The following GADL1 variants were observed in gnomAD, a reference collection of about 807,000 sequenced individuals.
GADL1 encodes acidic amino acid decarboxylase GADL1.
Under a neutral mutation model 69.5 loss-of-function variants are expected in GADL1, and 71 were observed. The observed-to-expected ratio is 1.02, with a 90% confidence interval of 0.84 to 1.25. The LOEUF is 1.25. GADL1 is among the 50% of genes most tolerant of loss of function. GADL1 has a pLI of 0.00. For missense variants in GADL1, 737 were observed against 631.8 expected (o/e 1.17, Z -1.79); for synonymous variants, 254 against 214.4 (o/e 1.18, Z -1.62).
At chr3:30,761,913 A>G (rs1696143533) in intron 14 of GADL1, among the ~76,000 whole-genome samples, 2 of 152,182 alleles carry the variant, frequency 1.3e-5, no homozygotes, top group African/African-American at 4.8e-5. Context: ...GTTTATATGC[A>G]TGTGTATATG....
At chr3:30,771,590 TAAC>T (rs1186763089) in intron 14 of GADL1, among the ~76,000 whole-genome samples, 1 of 152,046 alleles carries the variant, frequency 6.6e-6, no homozygotes, top group African/African-American at 2.4e-5. Flanking sequence ...AAGCGAGTGA[TAAC>T]TACTAGGAAA....
intron 6 of GADL1, among the ~76,000 whole-genome samples, chr3:30,847,784 GTT>G (rs1698081615): frequency 6.6e-6 from 1 of 152,184 alleles, no homozygotes; most frequent in African/African-American, 2.4e-5. Flanking sequence ...TCTTTGGAAA[GTT>G]TTTAAAAACC....
At chr3:30,875,286 T>G (rs976784848) in intron 1 of GADL1, among the ~76,000 whole-genome samples, 2 of 151,652 alleles carry the variant, frequency 1.3e-5, no homozygotes, top group Admixed American at 1.3e-4. Flanking sequence ...GTAAGCATAC[T>G]AGGAAGAAAG....
chr3:30,831,601 C>T (rs987464306), intron 11 of GADL1, among the ~76,000 whole-genome samples: 14 of 151,938 alleles, frequency 9.2e-5, no homozygotes, highest in African/African-American at 3.4e-4. Context: ...TCATTCTGTG[C>T]ATATTAATTT....
intron 14 of GADL1, among the ~76,000 whole-genome samples, 168 bp downstream of exon 14, chr3:30,777,997 TTAATTTGTTAAATG>T (rs1277471406): frequency 1.3e-5 from 2 of 152,190 alleles, no homozygotes; most frequent in East Asian, 3.9e-4. Context: ...GTCAACCATG[TTAATTTGTTAAATG>T]TAAACAATGT....
At chr3:30,848,319 A>G (rs1698088624) in intron 6 of GADL1, among the ~76,000 whole-genome samples, 1 of 152,214 alleles carries the variant, frequency 6.6e-6, no homozygotes, top group Admixed American at 6.5e-5. Flanking sequence ...CTCAACTCCC[A>G]CTTTGCACTT....
At chr3:30,864,569 T>C (rs1698369230) in intron 1 of GADL1, among the ~76,000 whole-genome samples, 1 of 152,038 alleles carries the variant, frequency 6.6e-6, no homozygotes, top group African/African-American at 2.4e-5. Flanking sequence ...GTCTTTTCTT[T>C]GATAGACACA....
chr3:30,854,846 T>C, intron 3 of GADL1, 57 bp from the exon 4 acceptor site: 1 of 823,056 alleles, frequency 1.2e-6, no homozygotes, highest in Non-Finnish European at 2.0e-6. Context: ...AAACTACTGA[T>C]ACAGCATTAA....
chr3:30,826,496 G>A (rs769861471), intron 11 of GADL1, among the ~76,000 whole-genome samples: 7 of 151,930 alleles, frequency 4.6e-5, no homozygotes, highest in Non-Finnish European at 7.4e-5. Flanking sequence ...TCCAATAATA[G>A]GCAAAACCCC....
intron 11 of GADL1, among the ~76,000 whole-genome samples, chr3:30,830,477 A>G (rs1178944593): frequency 1.3e-5 from 2 of 151,850 alleles, no homozygotes; most frequent in Non-Finnish European, 1.5e-5. Flanking sequence ...TCTTTCTTAC[A>G]TGTTCTTCCC....
At position 30,746,368 on chromosome 3, in the gene GADL1, T is replaced by C. The variant is rs142407320; in HGVS notation, c.1393-17953A>G. Among the ~76,000 whole-genome samples the C allele has an allele frequency of 9.0e-4, 137 of 152,330 alleles. No homozygotes were observed. The Middle Eastern group carries it at 0.014, about 15-fold the overall frequency. Reference sequence around the variant, plus strand: ...GCAGACCTACTGAGCCTCCAGTCTCTAAGAAGTTGTTTCTAGAAATACAAT... The same window carrying C: ...GCAGACCTACTGAGCCTCCAGTCTCCAAGAAGTTGTTTCTAGAAATACAAT... On this transcript the variant is annotated intron_variant, in intron 14 of 14. Coordinates refer to ENST00000282538, the MANE Select transcript of GADL1 (RefSeq NM_207359.3).
intron 14 of GADL1, among the ~76,000 whole-genome samples, chr3:30,772,548 G>A (rs1696440084): frequency 6.6e-6 from 1 of 152,056 alleles, no homozygotes; most frequent in East Asian, 1.9e-4. Flanking sequence ...AAGAAGCAAA[G>A]ATACAAACTT....
chr3:30,742,365 T>C (rs904665070), intron 14 of GADL1, among the ~76,000 whole-genome samples: 1 of 151,964 alleles, frequency 6.6e-6, no homozygotes, highest in Non-Finnish European at 1.5e-5. Flanking sequence ...TTATTTAATA[T>C]ATTTTTTTTA....
intron 11 of GADL1, among the ~76,000 whole-genome samples, chr3:30,812,257 C>G (rs1306613094): frequency 1.3e-5 from 2 of 152,188 alleles, no homozygotes; most frequent in Non-Finnish European, 2.9e-5. Context: ...GGGTTATGTA[C>G]AAACAAAACC....
chr3:30,818,322 A>T (rs1458050523), intron 11 of GADL1, among the ~76,000 whole-genome samples: 1 of 152,180 alleles, frequency 6.6e-6, no homozygotes, highest in African/African-American at 2.4e-5. Flanking sequence ...AGAAGTTTTA[A>T]AATTATATCA....
chr3:30,888,158 T>C (rs1420446667), intron 1 of GADL1, among the ~76,000 whole-genome samples: 1 of 152,118 alleles, frequency 6.6e-6, no homozygotes, highest in African/African-American at 2.4e-5. Context: ...CCTTCTGCAG[T>C]TTGTTAAATA....
intron 6 of GADL1, among the ~76,000 whole-genome samples, chr3:30,845,533 T>C (rs1489628709): frequency 6.6e-6 from 1 of 152,204 alleles, no homozygotes; most frequent in African/African-American, 2.4e-5. Flanking sequence ...GAGAGTTTTA[T>C]TGGGAGCTCT....
chr3:30,885,573 T>C (rs897094497), intron 1 of GADL1, among the ~76,000 whole-genome samples: 1 of 152,056 alleles, frequency 6.6e-6, no homozygotes, highest in African/African-American at 2.4e-5. Context: ...AAAATTCTAT[T>C]ATCAACCCAA....
In GADL1 at chr3:30,843,447, G is replaced by A. The variant is rs140728976; in HGVS notation, c.786+763C>T. Among the ~76,000 whole-genome samples the A allele has an allele frequency of 8.5e-5, 13 of 152,168 alleles. No individual in the cohort carries two copies. The East Asian group carries it at 1.9e-3, about 23-fold the overall frequency. The stretch of plus-strand genomic sequence containing the variant: ...ATATTTTGATATTGTTGGTAGTGAC[G>A]GGGTTTCACTGTATTAGCCAGGATG... On this transcript the variant is annotated intron_variant, in intron 8 of 14. Transcript: ENST00000282538.
Sources: allele counts gnomAD v4.1 joint callset (sites outside exome capture counted in the v4.1 genomes callset), GRCh38; gene constraint gnomAD v4.1.1; transcripts MANE v1.5; gene names NCBI Gene and HGNC (gene_info 2026-07-23, HGNC 2026-07-21).